Variants in SLC6A5 observed in about 807,000 individuals in gnomAD.
SLC6A5 encodes sodium- and chloride-dependent glycine transporter 2.
A neutral mutation model predicts 90.5 loss-of-function variants in SLC6A5; 58 were observed. The observed-to-expected ratio is 0.64, with a 90% CI of 0.52 to 0.80. The LOEUF is 0.80. Among genes scored for constraint, SLC6A5 ranks in the 30% least tolerant of loss-of-function variants. The pLI is 0.00. For missense variants in SLC6A5, 1,015 were observed against 1,017.6 expected (o/e 1.00, Z 0.03); for synonymous variants, 427 against 401.4 (o/e 1.06, Z -0.76).
At chr11:20,621,427 C>A (rs953787160) in intron 7 of SLC6A5, among the ~76,000 whole-genome samples, 3 of 152,110 alleles carry the variant, frequency 2.0e-5, no homozygotes, top group Admixed American at 2.0e-4. Flanking sequence ...GAATCTAATT[C>A]TTGGTGATAG....
At chr11:20,651,942 C>A (rs1351234876) in intron 14 of SLC6A5, among the ~76,000 whole-genome samples, 5 of 151,600 alleles carry the variant, frequency 3.3e-5, no homozygotes, top group African/African-American at 1.2e-4. Context: ...ATACAGAGAA[C>A]TCCTTAAAAA....
At chr11:20,609,821 G>C (rs1852661172) in intron 5 of SLC6A5, among the ~76,000 whole-genome samples, 1 of 152,194 alleles carries the variant, frequency 6.6e-6, no homozygotes, top group African/African-American at 2.4e-5. Context: ...TCCAGCCCCA[G>C]AGGAAAGCCC....
chr11:20,600,399 G>GAAGAAGAAGAAGAAGAAGAAGAAGAA (rs1182102601), intron 1 of SLC6A5, among the ~76,000 whole-genome samples: 23 of 139,154 alleles, frequency 1.7e-4, no homozygotes, highest in African/African-American at 6.1e-4. Context: ...AGAAGAAGAA[G>GAAGAAGAAGAAGAAGAAGAAGAAGAA]AAGAAGAAGA....
chr11:20,602,690 TGCAC>T (rs761935659), intron 2 of SLC6A5, among the ~76,000 whole-genome samples: 1 of 63,884 alleles, frequency 1.6e-5, no homozygotes, highest in Non-Finnish European at 3.3e-5. Flanking sequence ...CTTTAGTGTT[TGCAC>T]ACACACACAC....
chr11:20,620,470 TATTAA>T (rs1852868935), intron 7 of SLC6A5, among the ~76,000 whole-genome samples: 1 of 152,258 alleles, frequency 6.6e-6, no homozygotes, highest in Non-Finnish European at 1.5e-5. Flanking sequence ...TATGGTCAGT[TATTAA>T]CATTATCTCC....
Position 20,618,020 on chromosome 11 carries a change from G to T in SLC6A5, c.1260+136G>T, listed in dbSNP as rs1293624388. ...GACTCTGCCCTGGAGCAGCTGAGGG[G>T]CTGTGACTTCACTTTCATCTGCAAA... On this transcript the variant is annotated intron_variant, in intron 7 of 15. Coordinates refer to ENST00000525748, the MANE Select transcript of SLC6A5 (RefSeq NM_004211.5). The T allele has an allele frequency of 1.0e-5, 9 of 890,028 alleles. No homozygotes were observed. In the East Asian group the frequency reaches 2.2e-4, roughly 22 times the overall value. The allele number at this position is 890,028 out of a possible 1,614,324, so 55.1% of individuals were successfully genotyped here. A position where few individuals can be genotyped will look rare whatever the true frequency, so the allele number is the denominator to read the frequency against.
chr11:20,602,853 G>A (rs1255467619), intron 2 of SLC6A5, among the ~76,000 whole-genome samples: 1 of 152,206 alleles, frequency 6.6e-6, no homozygotes, highest in Non-Finnish European at 1.5e-5. Flanking sequence ...GCCTCTGACA[G>A]CATGTATCCC....
rs1238147135 is a variant in SLC6A5 at position 20,600,335 on chromosome 11, G to GGAAGAAGAGGAA, written c.3+668_3+669insGGAAGAAGAAGA. 5.6e-3 allele frequency among the ~76,000 whole-genome samples: 488 copies of GGAAGAAGAGGAA among 87,884 alleles called. 6 individuals are homozygous for GGAAGAAGAGGAA. Among genetic ancestry groups the GGAAGAAGAGGAA allele is most frequent in the Non-Finnish European group, 7.6e-3 (343 of 45,272 alleles). 57.7% of individuals were successfully genotyped at this position (87,884 alleles called of 152,430 possible). ...AATAGTTACGCAAAAAAGAAGAAGA[G>GGAAGAAGAGGAA]GAAGAAGAAGAAGAAGAAGAAGAAG... On this transcript the variant is annotated intron_variant, in intron 1 of 15. Transcript: ENST00000525748.
At chr11:20,619,670 T>C (rs1372043943) in intron 7 of SLC6A5, among the ~76,000 whole-genome samples, 2 of 152,102 alleles carry the variant, frequency 1.3e-5, no homozygotes, top group Admixed American at 1.3e-4. Flanking sequence ...TTTTCCTAGC[T>C]ATTTTAGAAG....
intron 3 of SLC6A5, 145 bp downstream of exon 3, chr11:20,604,569 G>C (rs903640856): frequency 2.0e-6 from 2 of 980,692 alleles, no homozygotes; most frequent in Non-Finnish European, 3.0e-6. Context: ...TCGTAGGCTT[G>C]AGTGCATAAC....
At chr11:20,633,570 C>T (rs1247707650) in intron 10 of SLC6A5, among the ~76,000 whole-genome samples, 1 of 152,164 alleles carries the variant, frequency 6.6e-6, no homozygotes, top group Non-Finnish European at 1.5e-5. Context: ...TTTAGTGGCA[C>T]TCTAGGATAA....
intron 8 of SLC6A5, 136 bp downstream of exon 8, chr11:20,626,978 A>G: frequency 1.4e-6 from 1 of 720,032 alleles, no homozygotes; most frequent in Non-Finnish European, 2.5e-6. Context: ...TTGGTACATT[A>G]TGCACTCAGG....
intron 14 of SLC6A5, among the ~76,000 whole-genome samples, chr11:20,650,652 G>C (rs1204737181): frequency 3.4e-5 from 4 of 119,130 alleles, no homozygotes; most frequent in Non-Finnish European, 6.7e-5. Context: ...GATGACGCCT[G>C]TTCTTTTTTT....
rs978718789 is a variant in SLC6A5 at position 20,652,523 on chromosome 11, T to A, written c.2238+67T>A. 4.9e-5 allele frequency: 72 copies of A among 1,464,698 alleles called. 3 individuals are homozygous for A. The South Asian group carries it at 7.4e-4, about 15-fold the overall frequency. 90.7% of individuals were successfully genotyped at this position (1,464,698 alleles called of 1,614,324 possible). A position where few individuals can be genotyped will look rare whatever the true frequency, so the allele number is the denominator to read the frequency against. On this transcript the variant is annotated intron_variant, in intron 15 of 15. Transcript: ENST00000525748. ...GAAAGCCCATAAAAGCTCTGCATGT[T>A]AAAAAACAAAAGATTCGGTAAACTT...
intron 10 of SLC6A5, among the ~76,000 whole-genome samples, chr11:20,633,579 A>G (rs930909058): frequency 2.6e-5 from 4 of 152,188 alleles, no homozygotes; most frequent in Admixed American, 2.0e-4. Context: ...ACTCTAGGAT[A>G]AAGGAGGCTC....
chr11:20,619,962 C>T (rs10833367), intron 7 of SLC6A5, among the ~76,000 whole-genome samples: 59,407 of 151,936 alleles, frequency 0.39, 11,783 homozygotes, highest in South Asian at 0.53. Flanking sequence ...ATGACAATAC[C>T]GAGCATGGCC....
At chr11:20,601,753 C>G in intron 2 of SLC6A5, 88 bp downstream of exon 2, 1 of 1,402,774 alleles carries the variant, frequency 7.1e-7, no homozygotes, top group Non-Finnish European at 9.8e-7. Context: ...TGCACGTATG[C>G]TGATGGGGAA....
At chr11:20,650,655 CTTTTTTTTTTTTTT>C (rs55849528) in intron 14 of SLC6A5, among the ~76,000 whole-genome samples, 15 of 79,844 alleles carry the variant, frequency 1.9e-4, no homozygotes, top group East Asian at 8.1e-4. Flanking sequence ...GACGCCTGTT[CTTTTTTTTTTTTTT>C]TTTTTTTTTT....
rs116052165 is a variant in SLC6A5, at chr11:20,630,019, G to A, written c.1500-672G>A. ...ATTACAGGTATGAGCCACCGTGCCC[G>A]GCTGGGATGGTTGTTAATATAGTCA... On this transcript the variant is annotated intron_variant, in intron 9 of 15. Coordinates refer to ENST00000525748, the MANE Select transcript of SLC6A5 (RefSeq NM_004211.5). Among the ~76,000 whole-genome samples the A allele has an allele frequency of 8.2e-3, 1,248 of 152,218 alleles. 18 individuals carry two copies. Among genetic ancestry groups the A allele is most frequent in the African/African-American group, 0.029 (1,189 of 41,544 alleles).
Sources: allele counts gnomAD v4.1 joint callset (sites outside exome capture counted in the v4.1 genomes callset), GRCh38; gene constraint gnomAD v4.1.1; transcripts MANE v1.5; gene names NCBI Gene and HGNC (gene_info 2026-07-23, HGNC 2026-07-21).